Variants in CCDC102A observed in about 807,000 individuals in gnomAD.
CCDC102A encodes coiled-coil domain containing 102A, also known as coiled-coil domain-containing protein 102A.
In CCDC102A, 40 loss-of-function variants were observed where a neutral mutation model predicts 55.5. The observed-to-expected ratio is 0.72, with a 90% CI of 0.56 to 0.94. The LOEUF (loss-of-function observed/expected upper bound fraction) is 0.94. Among genes scored for constraint, CCDC102A ranks in the 40% least tolerant of loss-of-function variants. The pLI is 0.00. For synonymous variants in CCDC102A, 323 were observed against 339.0 expected (o/e 0.95, Z 0.52); for missense variants, 779 against 768.6 (o/e 1.01, Z -0.16).
At chr16:57,515,473 G>A (rs755007584) in intron 7 of CCDC102A, 29 bp from the exon 8 acceptor site, 4 of 1,488,912 alleles carry the variant, frequency 2.7e-6, no homozygotes, top group East Asian at 2.3e-5. Context: ...CCGAAAGCAC[G>A]AGGGTCACCC....
At chr16:57,532,195 T>C (rs2032279227) in intron 1 of CCDC102A, among the ~76,000 whole-genome samples, 1 of 152,180 alleles carries the variant, frequency 6.6e-6, no homozygotes, top group South Asian at 2.1e-4. Flanking sequence ...GAGAGAGTCA[T>C]GTTTGCTAGG....
chr16:57,528,569 G>A (rs1444366528), intron 2 of CCDC102A, 24 bp downstream of exon 2: 13 of 1,215,178 alleles, frequency 1.1e-5, no homozygotes, highest in African/African-American at 9.7e-5. Flanking sequence ...ACTGGAGCGC[G>A]AACGCCCCGC....
At chr16:57,519,867 T>C (rs539955599) in intron 4 of CCDC102A, among the ~76,000 whole-genome samples, 1 of 152,328 alleles carries the variant, frequency 6.6e-6, no homozygotes, top group South Asian at 2.1e-4. Flanking sequence ...AGTTTCAGGC[T>C]CTAAAGTTCT....
intron 1 of CCDC102A, among the ~76,000 whole-genome samples, chr16:57,533,604 C>T (rs1372396045): frequency 4.0e-5 from 6 of 150,908 alleles, no homozygotes; most frequent in Non-Finnish European, 7.4e-5. Context: ...ACACATGGCC[C>T]CAGGGACCCG....
At chr16:57,518,821 C>A in intron 4 of CCDC102A, 80 bp from the exon 5 acceptor site, 1 of 1,084,642 alleles carries the variant, frequency 9.2e-7, no homozygotes, top group Non-Finnish European at 1.4e-6. Context: ...GGCGCCAGTG[C>A]AGGAGTGCTC....
intron 1 of CCDC102A, among the ~76,000 whole-genome samples, chr16:57,535,996 C>A (rs923763490): frequency 3.4e-4 from 51 of 152,216 alleles, no homozygotes; most frequent in Non-Finnish European, 5.7e-4. Context: ...CGAACCGCCC[C>A]GCTCCACCTA....
intron 8 of CCDC102A, among the ~76,000 whole-genome samples, chr16:57,514,001 C>T (rs2031911106): frequency 6.6e-6 from 1 of 152,182 alleles, no homozygotes; most frequent in Non-Finnish European, 1.5e-5. Context: ...CATGGAAAGA[C>T]TTACCCTCTT....
chr16:57,513,494 T>C (rs1157778897), intron 8 of CCDC102A, among the ~76,000 whole-genome samples: 1 of 152,246 alleles, frequency 6.6e-6, no homozygotes, highest in Non-Finnish European at 1.5e-5. Flanking sequence ...GGGCCTCCAT[T>C]ACTGCACAGT....
intron 2 of CCDC102A, among the ~76,000 whole-genome samples, chr16:57,527,544 C>G (rs1325246243): frequency 6.6e-6 from 1 of 151,756 alleles, no homozygotes; most frequent in East Asian, 1.9e-4. Flanking sequence ...CTCAGCCTTC[C>G]GAGTAGCTGG....
chr16:57,532,732 CACAG>C (rs1434944371), intron 1 of CCDC102A, among the ~76,000 whole-genome samples: 4 of 132,744 alleles, frequency 3.0e-5, no homozygotes, highest in Admixed American at 7.5e-5. Flanking sequence ...CACACACACA[CACAG>C]AGGCAGACAC....
chr16:57,530,294 CCTT>C (rs1188093726), intron 1 of CCDC102A, among the ~76,000 whole-genome samples: 2 of 152,200 alleles, frequency 1.3e-5, no homozygotes, highest in African/African-American at 2.4e-5. Flanking sequence ...CCCCCCTCCT[CCTT>C]AAAATAAATG....
In CCDC102A at chr16:57,517,994, T is replaced by C. The variant is rs1040648299; in HGVS notation, c.1248+74A>G. ...CATAATTATCACCAGGCCTGACACATAGTAGGGAAGCTGCGCTCTGGCTGG... is the reference window on the plus strand; with the variant it reads ...CATAATTATCACCAGGCCTGACACACAGTAGGGAAGCTGCGCTCTGGCTGG... On this transcript the variant is annotated intron_variant, in intron 6 of 8. Transcript: ENST00000258214. The C allele has an allele frequency of 5.3e-5, 78 of 1,459,976 alleles. No homozygotes were observed. The African/African-American group carries it at 9.1e-4, about 17-fold the overall frequency. The allele number at this position is 1,459,976 out of a possible 1,614,324, so 90.4% of individuals were successfully genotyped here. A position where few individuals can be genotyped will look rare whatever the true frequency, so the allele number is the denominator to read the frequency against.
At chr16:57,535,506 T>C (rs954079733) in intron 1 of CCDC102A, among the ~76,000 whole-genome samples, 7 of 152,086 alleles carry the variant, frequency 4.6e-5, no homozygotes, top group Admixed American at 2.0e-4. Context: ...CTTCTGGATC[T>C]TAGCCACCTG....
At chr16:57,520,597 TAAAATAAAATAAATA>T (rs1249628349) in intron 4 of CCDC102A, among the ~76,000 whole-genome samples, 6 of 105,722 alleles carry the variant, frequency 5.7e-5, no homozygotes, top group African/African-American at 1.7e-4. Flanking sequence ...ATAACATAAA[TAAAATAAAATAAATA>T]AAATAAAATA....
Position 57,516,473 on chromosome 16 carries a change from A to G in CCDC102A, c.1249-10T>C. The G allele has an allele frequency of 6.2e-7, 1 of 1,603,502 alleles. No individual in the cohort carries two copies. Among genetic ancestry groups the G allele is most frequent in the South Asian group, 1.1e-5 (1 of 90,876 alleles). ...TCAGGTCTGCCAGCTCCTACAGGGC[A>G]CAGGGATGGGGTGGGAGGGAGGAGG... On this transcript the variant is annotated splice_polypyrimidine_tract_variant and intron_variant, in intron 6 of 8. Transcript: ENST00000258214. The surrounding 1 kb of genome is among the most constrained non-coding windows in gnomAD (Gnocchi z 4.4).
At chr16:57,525,075 TTTTATTTATTTATTTATTTATTTA>T (rs3030605) in intron 3 of CCDC102A, among the ~76,000 whole-genome samples, 6 of 149,438 alleles carry the variant, frequency 4.0e-5, no homozygotes, top group African/African-American at 1.5e-4. Context: ...ACGCTCATCG[TTTTATTTATTTATTTATTTATTTA>T]TTTATTTATT....
rs543184132 is a variant in CCDC102A at position 57,535,976 on chromosome 16, G to T, written c.-148+524C>A. On this transcript the variant is annotated intron_variant, in intron 1 of 8. Coordinates refer to ENST00000258214, the MANE Select transcript of CCDC102A (RefSeq NM_033212.4). ...TCACTTAGTCGACCCCTCCCAAGCC[G>T]CTGGCCCTGCGAACCGCCCCGCTCC... Among the ~76,000 whole-genome samples, 344 of 152,238 alleles carry T rather than the reference G, an allele frequency of 2.3e-3. 1 individual carries two copies. The highest frequency in any genetic ancestry group is 8.0e-3 in the African/African-American group (334 of 41,560).
rs777929561 is a variant in CCDC102A at position 57,528,704 on chromosome 16, C to T, written c.474G>A (p.Ala158=). ...CGACCCCCCGGGCGCCCCTCAGCCG[C>T]GCCAGCTCGCGGCCCCGTGCCTCGC... ...GECEARGREL[A]RLRGARGVAD... Residue 158 remains alanine (A), a synonymous_variant, in exon 2 of 9, where the codon GCG becomes GCA. Transcript: ENST00000258214. 5 of 1,123,140 alleles carry T rather than the reference C, an allele frequency of 4.5e-6. No individual in the cohort carries two copies. The highest frequency in any genetic ancestry group is 5.5e-6 in the Non-Finnish European group (5 of 913,662). 69.6% of individuals were successfully genotyped at this position (1,123,140 alleles called of 1,614,324 possible). A position where few individuals can be genotyped will look rare whatever the true frequency, so the allele number is the denominator to read the frequency against.
chr16:57,519,184 C>G (rs1379969544), intron 4 of CCDC102A, among the ~76,000 whole-genome samples: 3 of 152,242 alleles, frequency 2.0e-5, no homozygotes, highest in Non-Finnish European at 2.9e-5. Flanking sequence ...CCAGGGACTC[C>G]TTTCTGTTCC....
Sources: allele counts gnomAD v4.1 joint callset (sites outside exome capture counted in the v4.1 genomes callset), GRCh38; gene constraint gnomAD v4.1.1; non-coding constraint Gnocchi (gnomAD v3.1); transcripts MANE v1.5; gene names NCBI Gene and HGNC (gene_info 2026-07-23, HGNC 2026-07-21).